The following RABL3 variants were observed in gnomAD, a reference collection of about 807,000 sequenced individuals.
RABL3 encodes the protein RAB, member of RAS oncogene family like 3, also known as rab-like protein 3.
Under a neutral mutation model 31.8 loss-of-function variants are expected in RABL3, and 31 were observed. The ratio of observed to expected loss-of-function variants is 0.97; its 90% CI spans 0.73 to 1.31. The LOEUF is 1.31. Ranked by LOEUF, RABL3 falls within the 40% of genes most tolerant of loss-of-function variation. The pLI is 0.00. For synonymous variants in RABL3, 97 were observed against 99.9 expected, an observed-to-expected ratio of 0.97 and a Z score of 0.18; for missense variants, 263 against 279.6, an observed-to-expected ratio of 0.94 and a Z score of 0.42.
Position 120,702,210 on chromosome 3 carries a change from C to T in RABL3, c.384-3637G>A, listed in dbSNP as rs377659057. ...ACACAAGCAGAATGCTCAAAAACAA[C>T]AGTCCCCAACCTTTTTGGTACCAGA... On this transcript the variant is annotated intron_variant, in intron 4 of 7. Coordinates refer to ENST00000273375, the MANE Select transcript of RABL3 (RefSeq NM_173825.5). Among the ~76,000 whole-genome samples the T allele has an allele frequency of 8.1e-4, 123 of 152,298 alleles. 1 individual carries two copies. Among genetic ancestry groups the T allele is most frequent in the African/African-American group, 2.8e-3 (118 of 41,566 alleles).
chr3:120,708,876 T>C lies in RABL3; in HGVS notation c.268+904A>G, dbSNP rs545080361. 9.9e-5 allele frequency among the ~76,000 whole-genome samples: 15 copies of C among 152,128 alleles called. No individual in the cohort carries two copies. The South Asian group carries it at 3.1e-3, about 32-fold the overall frequency. The stretch of plus-strand genomic sequence containing the variant: ...TCTGTATTCTATAATATGTATCCAA[T>C]GAAAAGAACCTTCTCTACATCTTTT... On this transcript the variant is annotated intron_variant, in intron 3 of 7. Transcript: ENST00000273375.
chr3:120,700,388 G>A (rs900095639), intron 4 of RABL3, among the ~76,000 whole-genome samples: 8 of 151,930 alleles, frequency 5.3e-5, no homozygotes, highest in African/African-American at 1.9e-4. Context: ...GAGACAATCA[G>A]CAAATCCAGA....
At chr3:120,731,018 T>C (rs1708876209) in intron 1 of RABL3, among the ~76,000 whole-genome samples, 1 of 152,206 alleles carries the variant, frequency 6.6e-6, no homozygotes. Context: ...AATGCTGGGC[T>C]CCACCCCCAG....
intron 2 of RABL3, chr3:120,710,366 T>C (rs1398929009): frequency 6.6e-6 from 1 of 152,536 alleles, no homozygotes; most frequent in Non-Finnish European, 1.5e-5. Context: ...CTTCAATCAA[T>C]TCCACAGTTA....
At chr3:120,709,734 T>C in intron 3 of RABL3, 46 bp downstream of exon 3, 1 of 1,401,800 alleles carries the variant, frequency 7.1e-7, no homozygotes. Flanking sequence ...AGATGATCTA[T>C]ACTCTTAGAC....
intron 4 of RABL3, among the ~76,000 whole-genome samples, chr3:120,704,089 A>G (rs1024321906): frequency 1.3e-5 from 2 of 152,256 alleles, no homozygotes; most frequent in African/African-American, 4.8e-5. Context: ...AAAACCAGTC[A>G]AAGACATTAT....
At chr3:120,728,497 G>A (rs1355099755) in intron 2 of RABL3, among the ~76,000 whole-genome samples, 1 of 152,068 alleles carries the variant, frequency 6.6e-6, no homozygotes, top group Non-Finnish European at 1.5e-5. Flanking sequence ...AATTTGTCCA[G>A]AACTTGCTAT....
intron 2 of RABL3, among the ~76,000 whole-genome samples, chr3:120,727,105 T>C (rs1031374843): frequency 2.8e-4 from 42 of 152,226 alleles, no homozygotes; most frequent in African/African-American, 8.4e-4. Context: ...ATTACTGATG[T>C]CAACAAGTTA....
intron 2 of RABL3, among the ~76,000 whole-genome samples, chr3:120,724,820 A>C (rs1174737183): frequency 2.0e-5 from 3 of 152,066 alleles, no homozygotes; most frequent in Non-Finnish European, 1.5e-5. Flanking sequence ...TAAAGACTTA[A>C]ATGTTAGACC....
intron 6 of RABL3, among the ~76,000 whole-genome samples, chr3:120,693,504 T>C (rs1179141270): frequency 6.6e-6 from 1 of 152,220 alleles, no homozygotes; most frequent in Non-Finnish European, 1.5e-5. Context: ...TACTATGCAA[T>C]GTGAGCATTG....
chr3:120,722,069 A>G (rs961068886), intron 2 of RABL3: 3 of 152,214 alleles, frequency 2.0e-5, no homozygotes, highest in Admixed American at 2.0e-4. Flanking sequence ...GCACATTCTC[A>G]GCTTATCTGG....
chr3:120,720,882 G>A (rs1352953226), intron 2 of RABL3, among the ~76,000 whole-genome samples: 2 of 152,128 alleles, frequency 1.3e-5, no homozygotes, highest in Non-Finnish European at 1.5e-5. Flanking sequence ...ACACATAATT[G>A]TCAGATTCAC....
In RABL3 at chr3:120,706,116, T is replaced by C; in HGVS notation, c.269-2A>G. 1.3e-6 allele frequency: 2 copies of C among 1,558,328 alleles called. No individual in the cohort carries two copies. The highest frequency in any genetic ancestry group is 1.8e-6 in the Non-Finnish European group (2 of 1,129,388). On this transcript the variant is annotated splice_acceptor_variant, in intron 3 of 7. Transcript: ENST00000273375. LOFTEE classifies it high-confidence loss of function. ...TTAAGTCGTGTACGAAAATAATACC[T>C]AAAATAATCAGAGAAAACAATGTTA...
At chr3:120,717,522 G>A (rs1324328547) in intron 2 of RABL3, among the ~76,000 whole-genome samples, 1 of 152,148 alleles carries the variant, frequency 6.6e-6, no homozygotes, top group Non-Finnish European at 1.5e-5. Context: ...AGGCTGGAGT[G>A]CAGTGGCCTG....
At chr3:120,699,877 A>G (rs1336832753) in intron 4 of RABL3, among the ~76,000 whole-genome samples, 1 of 152,188 alleles carries the variant, frequency 6.6e-6, no homozygotes, top group Non-Finnish European at 1.5e-5. Context: ...AATTAAAGAG[A>G]CATGGTTCAA....
intron 1 of RABL3, among the ~76,000 whole-genome samples, chr3:120,734,113 T>C (rs994901910): frequency 5.3e-5 from 8 of 152,228 alleles, no homozygotes; most frequent in Admixed American, 3.9e-4. Flanking sequence ...GGGGATGGCA[T>C]TGAATCTATA....
intron 3 of RABL3, 106 bp downstream of exon 3, chr3:120,709,674 A>T: frequency 1.2e-6 from 1 of 834,536 alleles, no homozygotes; most frequent in Non-Finnish European, 1.9e-6. Context: ...TGAGTACATT[A>T]TATCTTTCTC....
At chr3:120,699,546 G>C (rs1328291850) in intron 4 of RABL3, among the ~76,000 whole-genome samples, 4 of 152,084 alleles carry the variant, frequency 2.6e-5, no homozygotes, top group African/African-American at 9.7e-5. Context: ...AGCAAAATCT[G>C]GTTGTGCACA....
intron 6 of RABL3, among the ~76,000 whole-genome samples, chr3:120,691,720 A>C (rs1026515877): frequency 3.3e-5 from 5 of 152,246 alleles, no homozygotes; most frequent in Non-Finnish European, 7.3e-5. Flanking sequence ...TGTGATAAGA[A>C]AAGTTAATCG....
Sources: allele counts gnomAD v4.1 joint callset (sites outside exome capture counted in the v4.1 genomes callset), GRCh38; gene constraint gnomAD v4.1.1; transcripts MANE v1.5; gene names NCBI Gene and HGNC (gene_info 2026-07-23, HGNC 2026-07-21).